TXNL4B: variants seen among roughly 807,000 people sequenced by gnomAD.
TXNL4B encodes thioredoxin-like protein 4B.
A neutral mutation model predicts 13.0 loss-of-function variants in TXNL4B; 12 were observed. The ratio of observed to expected loss-of-function variants is 0.92; its 90% confidence interval spans 0.59 to 1.49. TXNL4B has a LOEUF of 1.49. Among genes scored for constraint, TXNL4B ranks in the 40% most tolerant of loss-of-function variants. The pLI, the probability that TXNL4B is intolerant of heterozygous loss-of-function variation, is 0.00. For missense variants in TXNL4B, 214 were observed against 173.6 expected, an observed-to-expected ratio of 1.23 and a Z score of -1.31; for synonymous variants, 59 against 58.9, an observed-to-expected ratio of 1.00 and a Z score of -0.01.
At chr16:72,091,241 C>T (rs2144108413) in intron 1 of TXNL4B, among the ~76,000 whole-genome samples, 1 of 151,810 alleles carries the variant, frequency 6.6e-6, no homozygotes, top group Non-Finnish European at 1.5e-5. Context: ...ATGCTGTACC[C>T]ATCCCTAGGC....
intron 3 of TXNL4B, among the ~76,000 whole-genome samples, chr16:72,088,172 C>G (rs976588561): frequency 2.0e-5 from 3 of 152,198 alleles, no homozygotes; most frequent in African/African-American, 7.2e-5. Context: ...CTATGTTGGC[C>G]ATGCTGGTTT....
Position 72,093,186 on chromosome 16 carries a change from A to G in TXNL4B, c.-38+181T>C, listed in dbSNP as rs76457390. Reference sequence around the variant, plus strand: ...ACTCACTTTTGTACAGAATCTTACTACAATGTATTCCAGAAAAACAACTGG... The same window carrying G: ...ACTCACTTTTGTACAGAATCTTACTGCAATGTATTCCAGAAAAACAACTGG... On this transcript the variant is annotated intron_variant, in intron 1 of 3. Coordinates refer to ENST00000268483, the MANE Select transcript of TXNL4B (RefSeq NM_017853.3). 8.1e-3 allele frequency among the ~76,000 whole-genome samples: 1,235 copies of G among 152,368 alleles called. 7 individuals are homozygous for G. The highest frequency in any genetic ancestry group is 0.028 in the African/African-American group (1,145 of 41,584).
At chr16:72,088,925 C>G in intron 3 of TXNL4B, 62 bp downstream of exon 3, 1 of 1,365,610 alleles carries the variant, frequency 7.3e-7, no homozygotes, top group Non-Finnish European at 1.0e-6. Flanking sequence ...AGGCAAGCTA[C>G]TGAAAATGCT....
At chr16:72,092,047 G>A (rs1242761031) in intron 1 of TXNL4B, among the ~76,000 whole-genome samples, 1 of 152,102 alleles carries the variant, frequency 6.6e-6, no homozygotes, top group Non-Finnish European at 1.5e-5. Context: ...TGAGATGGTC[G>A]GTATTTTGAA....
chr16:72,090,496 G>T, intron 2 of TXNL4B, 122 bp downstream of exon 2: 2 of 965,058 alleles, frequency 2.1e-6, no homozygotes, highest in Non-Finnish European at 3.1e-6. Context: ...AGCTCTTAGT[G>T]AACTAACAAA....
intron 3 of TXNL4B, among the ~76,000 whole-genome samples, chr16:72,087,897 G>A (rs1272339238): frequency 6.6e-6 from 1 of 152,092 alleles, no homozygotes; most frequent in African/African-American, 2.4e-5. Flanking sequence ...TCGGCTCACT[G>A]CAAGCTCCGC....
rs574788449 is a variant in TXNL4B, at chr16:72,092,146, C to G, written c.-38+1221G>C. Among the ~76,000 whole-genome samples the G allele has an allele frequency of 7.2e-5, 11 of 152,322 alleles. No homozygotes were observed. The East Asian group carries it at 2.1e-3, about 29-fold the overall frequency. On this transcript the variant is annotated intron_variant, in intron 1 of 3. Transcript: ENST00000268483. The stretch of plus-strand genomic sequence containing the variant: ...TAAGATACGAATTAGGCCAGGCTCA[C>G]CCCTGTAATCCCAGCACTTTGGGAG...
rs1286285907 is a variant in TXNL4B, at chr16:72,090,623, C to A, written c.127G>T (p.Asp43Tyr). The A allele has an allele frequency of 6.2e-7, 1 of 1,613,686 alleles. No homozygotes were observed. Among genetic ancestry groups the A allele is most frequent in the East Asian group, 2.2e-5 (1 of 44,880 alleles). The change falls in exon 2 of 4, where the codon GAT becomes TAT. Residue 43 changes from aspartate to tyrosine, a missense_variant. Asp to Tyr is a radical substitution (Grantham distance 160). Transcript: ENST00000268483. ...TATTTTAGACATTCACTTACAATAT[C>A]ATCTAGCTGCAGACAGACAGGATCT... ...DEDPVCLQLD[D>Y]ILSKTSSDLS...
chr16:72,092,085 T>C (rs576805601), intron 1 of TXNL4B, among the ~76,000 whole-genome samples: 12 of 152,324 alleles, frequency 7.9e-5, no homozygotes, highest in South Asian at 4.1e-4. Flanking sequence ...AAAGGGAGGA[T>C]TTCTTTTCCT....
At position 72,084,926 on chromosome 16, in the gene TXNL4B, T is replaced by TC; in HGVS notation, c.*1710dup. On this transcript the variant is annotated 3_prime_UTR_variant, in exon 4 of 4. Transcript: ENST00000268483. ...GCAGGTCCAGAGTTCATGCAGGAGCTCAATAACATCAGAGATTGGGCTCTT... is the reference window on the plus strand; with the variant it reads ...GCAGGTCCAGAGTTCATGCAGGAGCTCCAATAACATCAGAGATTGGGCTCTT... 2.5e-6 allele frequency: 1 copy of TC among 398,662 alleles called. No individual in the cohort carries two copies. The highest frequency in any genetic ancestry group is 4.4e-6 in the Non-Finnish European group (1 of 226,068). 24.7% of individuals were successfully genotyped at this position (398,662 alleles called of 1,614,324 possible).
chr16:72,090,676 A>C lies in TXNL4B; in HGVS notation c.74T>G (p.Val25Gly). Residue 25 changes from valine (V) to glycine (G), a missense_variant, in exon 2 of 4, where the codon GTG (valine) becomes GGG (glycine). Coordinates refer to ENST00000268483, the MANE Select transcript of TXNL4B (RefSeq NM_017853.3). ...DQAIKSTAEK[V>G]LVLRFGRDED... The stretch of plus-strand genomic sequence containing the variant: ...ATCTCTCCCAAACCTGAGAACCAAC[A>C]CCTTCTCAGCAGTACTTTTTATCGC... The C allele has an allele frequency of 6.2e-7, 1 of 1,614,050 alleles. No homozygotes were observed. Among genetic ancestry groups the C allele is most frequent in the Non-Finnish European group, 8.5e-7 (1 of 1,179,928 alleles).
chr16:72,088,340 G>C (rs2041853759), intron 3 of TXNL4B, among the ~76,000 whole-genome samples: 1 of 152,152 alleles, frequency 6.6e-6, no homozygotes, highest in South Asian at 2.1e-4. Flanking sequence ...TAGATAAGTG[G>C]ACACATCAAC....
At chr16:72,090,112 G>T in intron 2 of TXNL4B, 1 of 456,072 alleles carries the variant, frequency 2.2e-6, no homozygotes, top group South Asian at 1.5e-5. Context: ...AGTAGAAATG[G>T]CGGTAAGAGG....
rs1439984896 is a variant in TXNL4B at position 72,085,227 on chromosome 16, T to A, written c.*1410A>T. ...GGCACCCCTCCCTGCAGGAAAGGGGTGGAATGGAGCCCCTGGCAAAGGGGG... is the reference window on the plus strand; with the variant it reads ...GGCACCCCTCCCTGCAGGAAAGGGGAGGAATGGAGCCCCTGGCAAAGGGGG... On this transcript the variant is annotated 3_prime_UTR_variant, in exon 4 of 4. Transcript: ENST00000268483. The A allele has an allele frequency of 1.8e-5, 7 of 384,612 alleles. No individual in the cohort carries two copies. The highest frequency in any genetic ancestry group is 2.7e-5 in the Non-Finnish European group (6 of 218,376). 23.8% of individuals were successfully genotyped at this position (384,612 alleles called of 1,614,324 possible).
chr16:72,088,917 G>T, intron 3 of TXNL4B, 70 bp downstream of exon 3: 1 of 1,250,648 alleles, frequency 8.0e-7, no homozygotes, highest in Non-Finnish European at 1.1e-6. Flanking sequence ...ATGGAAATAG[G>T]CAAGCTACTG....
At chr16:72,087,311 T>C (rs2041837055) in intron 3 of TXNL4B, 1 of 151,354 alleles carries the variant, frequency 6.6e-6, no homozygotes, top group Admixed American at 6.6e-5. Flanking sequence ...CTTTTCAGTG[T>C]CTATCCTTCC....
chr16:72,090,215 C>G, intron 2 of TXNL4B: 1 of 457,436 alleles, frequency 2.2e-6, no homozygotes, highest in Non-Finnish European at 4.4e-6. Context: ...AAACTGAGTT[C>G]AAATCTCAAC....
In TXNL4B at chr16:72,089,087, C is replaced by T; in HGVS notation, c.184G>A (p.Asp62Asn). The change falls in exon 3 of 4, where the codon GAT becomes AAT. Residue 62 changes from aspartate to asparagine, a missense_variant. Asp to Asn is a conservative substitution (Grantham distance 23). Coordinates refer to ENST00000268483, the MANE Select transcript of TXNL4B (RefSeq NM_017853.3). ...LSKMAAIYLV[D>N]VDQTAVYTQY... ...GTATAAACTGCAGTTTGGTCCACAT[C>T]TACCAGGTATATAGCAGCCATTTTA... 6.2e-7 allele frequency: 1 copy of T among 1,612,714 alleles called. No homozygotes were observed. Among genetic ancestry groups the T allele is most frequent in the South Asian group, 1.1e-5 (1 of 91,016 alleles).
chr16:72,088,103 G>A (rs1350143438), intron 3 of TXNL4B, among the ~76,000 whole-genome samples: 1 of 152,164 alleles, frequency 6.6e-6, no homozygotes, highest in Non-Finnish European at 1.5e-5. Flanking sequence ...ACACGCGTGA[G>A]CCACTGCGCC....
Sources: gnomAD v4.1 joint callset for allele counts (sites outside exome capture counted in the v4.1 genomes callset) on GRCh38, gnomAD v4.1.1 for gene constraint, MANE v1.5 for transcripts, NCBI Gene and HGNC (gene_info 2026-07-23, HGNC 2026-07-21) for gene names.